Variants in KDM4B observed in about 807,000 individuals in gnomAD.
The protein encoded by KDM4B is lysine-specific demethylase 4B.
In KDM4B, 32 loss-of-function variants were observed where a neutral mutation model predicts 125.2. The observed-to-expected ratio is 0.26, with a 90% confidence interval of 0.19 to 0.34. The LOEUF (loss-of-function observed/expected upper bound fraction) is 0.34. Ranked by LOEUF, KDM4B falls within the 10% of genes least tolerant of loss-of-function variation. The pLI is 1.00. For missense variants in KDM4B, 1,190 were observed against 1,577.7 expected, an observed-to-expected ratio of 0.75 and a Z score of 4.16; for synonymous variants, 721 against 677.9, an observed-to-expected ratio of 1.06 and a Z score of -0.99.
chr19:5,094,733 A>T (rs938866382), intron 9 of KDM4B, among the ~76,000 whole-genome samples: 1 of 152,214 alleles, frequency 6.6e-6, no homozygotes, highest in Admixed American at 6.5e-5. Context: ...TGCTGTTGAG[A>T]TGCGTCAGAG....
intron 9 of KDM4B, among the ~76,000 whole-genome samples, chr19:5,085,272 G>T (rs1028666388): frequency 6.6e-6 from 1 of 152,208 alleles, no homozygotes; most frequent in Non-Finnish European, 1.5e-5. Flanking sequence ...AGATCCAGAA[G>T]TTGGGATTTC....
intron 2 of KDM4B, among the ~76,000 whole-genome samples, chr19:5,027,054 C>T (rs1048983131): frequency 2.0e-5 from 3 of 152,222 alleles, no homozygotes; most frequent in Non-Finnish European, 2.9e-5. Context: ...CACGGCACCC[C>T]GAGGCCCAGA....
At chr19:5,108,115 A>G (rs1552045) in intron 9 of KDM4B, among the ~76,000 whole-genome samples, 10,151 of 152,192 alleles carry the variant, frequency 0.067, 376 homozygotes, top group Admixed American at 0.11. Flanking sequence ...GTGGCAGTGC[A>G]CTCCGTGGAG....
At chr19:5,048,845 G>A (rs1472705047) in intron 6 of KDM4B, among the ~76,000 whole-genome samples, 2 of 152,208 alleles carry the variant, frequency 1.3e-5, no homozygotes, top group Admixed American at 1.3e-4. Flanking sequence ...TGTGCAGAGA[G>A]CCCCTGTGGG....
At chr19:5,077,214 C>T (rs1334210863) in intron 7 of KDM4B, 153 bp from the exon 8 acceptor site, 12 of 677,484 alleles carry the variant, frequency 1.8e-5, no homozygotes, top group Non-Finnish European at 2.9e-5. Context: ...GCACTGGGGC[C>T]CTGAGAACCA....
chr19:5,071,637 C>A (rs2037951862), intron 7 of KDM4B, among the ~76,000 whole-genome samples: 1 of 152,208 alleles, frequency 6.6e-6, no homozygotes, highest in Non-Finnish European at 1.5e-5. Flanking sequence ...TAGAGGGTCC[C>A]AGCATGTGCC....
Position 5,082,561 on chromosome 19 carries a change from G to T in KDM4B, c.918+57G>T, listed in dbSNP as rs1599578129. 6.6e-7 allele frequency: 1 copy of T among 1,518,894 alleles called. No individual in the cohort carries two copies. The highest frequency in any genetic ancestry group is 2.3e-5 in the East Asian group (1 of 43,748). The allele number at this position is 1,518,894 out of a possible 1,614,324, so 94.1% of individuals were successfully genotyped here. A position where few individuals can be genotyped will look rare whatever the true frequency, so the allele number is the denominator to read the frequency against. On this transcript the variant is annotated intron_variant, in intron 9 of 22. Transcript: ENST00000159111. This position sits in a 1 kb window ranked among gnomAD's most constrained non-coding sequence, Gnocchi z 5.4. ...GCAGGGCGGGAGGAGGCTCTTTTTT[G>T]CCTCTGCAGCCACACGCCCATAGCT...
In KDM4B at chr19:5,114,160, G is replaced by A. The variant is rs939013389; in HGVS notation, c.1115+3342G>A. 3.3e-5 allele frequency: 42 copies of A among 1,289,438 alleles called. No homozygotes were observed. Among genetic ancestry groups the A allele is most frequent in the East Asian group, 5.6e-5 (1 of 18,002 alleles). The allele number at this position is 1,289,438 out of a possible 1,614,324, so 79.9% of individuals were successfully genotyped here. A position where few individuals can be genotyped will look rare whatever the true frequency, so the allele number is the denominator to read the frequency against. ...CCTCACAGTGCTCTCTGGCACCCACGCGACGCTCCTCCATGCAAACTCTTT... is the reference window on the plus strand; with the variant it reads ...CCTCACAGTGCTCTCTGGCACCCACACGACGCTCCTCCATGCAAACTCTTT... On this transcript the variant is annotated intron_variant, in intron 10 of 22. Transcript: ENST00000159111. The surrounding 1 kb of genome is among the most constrained non-coding windows in gnomAD (Gnocchi z 5.8).
chr19:5,102,158 G>A (rs1361699698), intron 9 of KDM4B, among the ~76,000 whole-genome samples: 1 of 152,168 alleles, frequency 6.6e-6, no homozygotes, highest in Non-Finnish European at 1.5e-5. Context: ...TGGCTCCCTG[G>A]TGGCCGTCCG....
intron 6 of KDM4B, among the ~76,000 whole-genome samples, chr19:5,053,011 C>T (rs978258903): frequency 2.0e-5 from 3 of 152,208 alleles, no homozygotes; most frequent in South Asian, 2.1e-4. Flanking sequence ...GTTGGGTGGC[C>T]GCAGAGACAG....
At chr19:5,089,621 A>C (rs1368364489) in intron 9 of KDM4B, among the ~76,000 whole-genome samples, 1 of 151,722 alleles carries the variant, frequency 6.6e-6, no homozygotes, top group African/African-American at 2.4e-5. Flanking sequence ...ATTGGTTGAT[A>C]TTAGTTTGAT....
In KDM4B at chr19:5,070,217, G is replaced by A. The variant is rs1396604317; in HGVS notation, c.627-793G>A. 3.9e-5 allele frequency among the ~76,000 whole-genome samples: 6 copies of A among 152,114 alleles called. No individual in the cohort carries two copies. The South Asian group carries it at 6.2e-4, about 16-fold the overall frequency. Reference sequence around the variant, plus strand: ...TGGAAATTGAGGTTTTTGTTTTGCCGGAGGCCTTGGGAGTGGGCTGGGTGG... The same window carrying A: ...TGGAAATTGAGGTTTTTGTTTTGCCAGAGGCCTTGGGAGTGGGCTGGGTGG... On this transcript the variant is annotated intron_variant, in intron 6 of 22. Transcript: ENST00000159111.
At chr19:5,017,518 C>G (rs959343774) in intron 2 of KDM4B, among the ~76,000 whole-genome samples, 1 of 152,134 alleles carries the variant, frequency 6.6e-6, no homozygotes, top group African/African-American at 2.4e-5. Context: ...TCCAGGTTAA[C>G]TTACTGCTGG....
At chr19:5,037,640 G>T (rs762941457) in intron 3 of KDM4B, among the ~76,000 whole-genome samples, 1 of 152,190 alleles carries the variant, frequency 6.6e-6, no homozygotes, top group African/African-American at 2.4e-5. Flanking sequence ...GTTTCTCTTC[G>T]CTTGGCACTG....
At chr19:5,055,968 T>C (rs1254305070) in intron 6 of KDM4B, among the ~76,000 whole-genome samples, 1 of 152,128 alleles carries the variant, frequency 6.6e-6, no homozygotes, top group Non-Finnish European at 1.5e-5. Context: ...TTCTCCAGAT[T>C]TCCTCTGTCT....
intron 6 of KDM4B, among the ~76,000 whole-genome samples, chr19:5,061,132 C>T (rs1368555751): frequency 5.9e-5 from 9 of 152,182 alleles, no homozygotes; most frequent in Admixed American, 5.9e-4. Context: ...CCACCCATGG[C>T]CACCGTGCCA....
rs561183088 is a variant in KDM4B, at chr19:4,992,932, A to C, written c.-108-23325A>C. On this transcript the variant is annotated intron_variant, in intron 1 of 22. Coordinates refer to ENST00000159111, the MANE Select transcript of KDM4B (RefSeq NM_015015.3). ...AATTTCCATTGTGGTTGGAGAACTT[A>C]CTTTGGATGATCTGAATTCTTTTCA... Among the ~76,000 whole-genome samples, 4 of 152,314 alleles carry C rather than the reference A, an allele frequency of 2.6e-5. No homozygotes were observed. In the South Asian group the frequency reaches 8.3e-4, roughly 32 times the overall value.
At chr19:5,047,717 G>A (rs776798984) in intron 6 of KDM4B, 48 bp downstream of exon 6, 29 of 1,578,034 alleles carry the variant, frequency 1.8e-5, no homozygotes, top group South Asian at 9.0e-5. Flanking sequence ...AGAGCCCCTC[G>A]GGAGGGAGTC....
At chr19:5,077,152 A>C (rs1292671966) in intron 7 of KDM4B, 1 of 589,634 alleles carries the variant, frequency 1.7e-6, no homozygotes, top group Non-Finnish European at 3.0e-6. Flanking sequence ...CAGAGCTCAC[A>C]GCAGGGCACT....
Sources: gnomAD v4.1 joint callset for allele counts (sites outside exome capture counted in the v4.1 genomes callset) on GRCh38, gnomAD v4.1.1 for gene constraint, Gnocchi (gnomAD v3.1) non-coding constraint, MANE v1.5 for transcripts, NCBI Gene and HGNC (gene_info 2026-07-23, HGNC 2026-07-21) for gene names.